The following ATP12A variants were observed in gnomAD, a reference collection of about 807,000 sequenced individuals.
ATP12A encodes potassium-transporting ATPase alpha chain 2.
A neutral mutation model predicts 111.2 loss-of-function variants in ATP12A; 81 were observed. The observed-to-expected ratio is 0.73, with a 90% CI of 0.61 to 0.88. The LOEUF (loss-of-function observed/expected upper bound fraction) is 0.88, where lower values mean the gene tolerates loss of function less well. Among genes scored for constraint, ATP12A ranks in the 40% least tolerant of loss-of-function variants. The probability of loss-of-function intolerance (pLI) is 0.00; values close to 1 mark genes in which losing one functional copy is unlikely to be tolerated. For synonymous variants in ATP12A, 498 were observed against 499.8 expected (o/e 1.00, Z 0.05); for missense variants, 1,196 against 1,313.1 (o/e 0.91, Z 1.38).
intron 2 of ATP12A, among the ~76,000 whole-genome samples, chr13:24,682,118 G>GGT (rs1285509325): frequency 3.0e-5 from 3 of 100,424 alleles, no homozygotes; most frequent in Non-Finnish European, 6.4e-5. Flanking sequence ...ATGTGTGTGT[G>GGT]GTGTGTGTGT....
At position 24,706,326 on chromosome 13, in the gene ATP12A, G is replaced by T; in HGVS notation, c.2032G>T (p.Ala678Ser). Residue 678 changes from alanine to serine, a missense_variant, in exon 15 of 23, where the codon GCT becomes TCT. Physicochemically the swap from Ala to Ser is moderately conservative, Grantham distance 99 (BLOSUM62 1). Coordinates refer to ENST00000381946, the MANE Select transcript of ATP12A (RefSeq NM_001676.7). ...TGGCCCTTCTAGGGATGCCAAGGCC[G>T]CTGTGGTGACTGGCATGGAGCTGAA... ...EQVNKRDAKA[A>S]VVTGMELKDM... 1 of 1,614,038 alleles carries T rather than the reference G, an allele frequency of 6.2e-7. No individual in the cohort carries two copies. Among genetic ancestry groups the T allele is most frequent in the Non-Finnish European group, 8.5e-7 (1 of 1,179,922 alleles).
chr13:24,710,451 C>T lies in ATP12A; in HGVS notation c.2764-9C>T. 2.5e-6 allele frequency: 4 copies of T among 1,613,890 alleles called. No individual in the cohort carries two copies. The highest frequency in any genetic ancestry group is 3.4e-6 in the Non-Finnish European group (4 of 1,179,952). On this transcript the variant is annotated splice_polypyrimidine_tract_variant and intron_variant, in intron 19 of 22. Transcript: ENST00000381946. ...CCTCAAGGTCTCTTCCTTCTCTGCC[C>T]ATTAACAGACAAGGTACCAGAGGGA...
chr13:24,698,834 G>A lies in ATP12A; in HGVS notation c.1689G>A (p.Leu563=). The A allele has an allele frequency of 6.2e-7, 1 of 1,613,958 alleles. No individual in the cohort carries two copies. The highest frequency in any genetic ancestry group is 8.5e-7 in the Non-Finnish European group (1 of 1,180,008). The change falls in exon 12 of 23, where the codon TTG becomes TTA. Residue 563 remains leucine, a synonymous_variant. Transcript: ENST00000381946. The part of the protein sequence containing the change: ...FHTAYMELGG[L]GERVLGFCHL... ...CAGCCTACATGGAGCTGGGCGGGTT[G>A]GGCGAGCGTGTGCTGGGTGAGTGCG... is the stretch of plus-strand genomic sequence containing the variant.
In ATP12A at chr13:24,690,683, C is replaced by A. The variant is rs979893893; in HGVS notation, c.761C>A (p.Thr254Lys). The A allele has an allele frequency of 6.2e-7, 1 of 1,613,966 alleles. No homozygotes were observed. Among genetic ancestry groups the A allele is most frequent in the Non-Finnish European group, 8.5e-7 (1 of 1,179,962 alleles). The change falls in exon 7 of 23, where the codon ACA becomes AAA. Residue 254 changes from threonine (T) to lysine (K), a missense_variant. Physicochemically the swap from Thr to Lys is moderately conservative, Grantham distance 78 (BLOSUM62 -1). This residue lies in a region of ATP12A where 1,126 missense variants were observed against 1,228.5 expected (regional missense o/e 0.92). Coordinates refer to ENST00000381946, the MANE Select transcript of ATP12A (RefSeq NM_001676.7). The stretch of plus-strand genomic sequence containing the variant: ...TTTACCCATGAAAACCCCCTGGAAA[C>A]AAAGAACATCTGCTTCTATTCCACA... ...SEFTHENPLE[T>K]KNICFYSTTC...
chr13:24,697,572 C>T (rs1474814973), intron 11 of ATP12A, among the ~76,000 whole-genome samples: 1 of 145,972 alleles, frequency 6.9e-6, no homozygotes, highest in Non-Finnish European at 1.5e-5. Context: ...CCTGGGAGGT[C>T]GAGGCTGCAG....
intron 8 of ATP12A, 40 bp downstream of exon 8, chr13:24,691,290 G>A (rs1874893845): frequency 6.3e-7 from 1 of 1,576,260 alleles, no homozygotes; most frequent in Non-Finnish European, 8.6e-7. Context: ...CTGGCCCTGT[G>A]GACACAGCAC....
intron 2 of ATP12A, among the ~76,000 whole-genome samples, chr13:24,683,842 T>C (rs960608530): frequency 2.6e-5 from 4 of 152,194 alleles, no homozygotes; most frequent in Non-Finnish European, 5.9e-5. Flanking sequence ...TGAAGACATA[T>C]CTGTTTTTCC....
intron 2 of ATP12A, among the ~76,000 whole-genome samples, chr13:24,682,097 ATG>A (rs1239353729): frequency 4.0e-5 from 1 of 24,740 alleles, no homozygotes. Flanking sequence ...GGTGTGTGTG[ATG>A]TGTGTGTGAT....
chr13:24,691,617 A>C lies in ATP12A; in HGVS notation c.1068+367A>C, dbSNP rs931701522. ...CTTAGGCATTTAGGCACATTGCCAC[A>C]CTCCACTTACCTCTCTTACGAAAAA... On this transcript the variant is annotated intron_variant, in intron 8 of 22. Transcript: ENST00000381946. 4.1e-5 allele frequency among the ~76,000 whole-genome samples: 6 copies of C among 147,456 alleles called. No homozygotes were observed. The East Asian group carries it at 1.0e-3, about 25-fold the overall frequency.
At position 24,690,419 on chromosome 13, in the gene ATP12A, GGA is replaced by G. The variant is rs1172251003; in HGVS notation, c.630_631del (p.Gly211ArgfsTer19). ...GGTGGGGGACATTGTGGAGGTCAAA[GGA>G]GGAGACCAGATCCCTGCAGACATCA... ...LVVGDIVEVK[G>X]GDQIPADIRV... On this transcript the variant is annotated frameshift_variant, in exon 6 of 23. Coordinates refer to ENST00000381946, the MANE Select transcript of ATP12A (RefSeq NM_001676.7). LOFTEE classifies it high-confidence loss of function. The G allele has an allele frequency of 6.2e-7, 1 of 1,613,692 alleles. No homozygotes were observed. Among genetic ancestry groups the G allele is most frequent in the Non-Finnish European group, 8.5e-7 (1 of 1,179,946 alleles).
At chr13:24,709,563 A>G in intron 18 of ATP12A, 76 bp downstream of exon 18, 3 of 1,597,088 alleles carry the variant, frequency 1.9e-6, no homozygotes, top group Non-Finnish European at 2.6e-6. Flanking sequence ...GCACAGCCAG[A>G]AAGTGTGGTT....
chr13:24,681,818 G>C (rs1020509312), intron 2 of ATP12A, 98 bp downstream of exon 2: 2 of 1,477,920 alleles, frequency 1.4e-6, no homozygotes, highest in African/African-American at 2.8e-5. Context: ...TTCAGTCTGA[G>C]GGATTTGAAA....
chr13:24,702,319 G>T (rs1380956202), intron 14 of ATP12A, among the ~76,000 whole-genome samples: 2 of 152,222 alleles, frequency 1.3e-5, no homozygotes, highest in African/African-American at 4.8e-5. Context: ...TCAAAATCCA[G>T]TGTGCCCTGG....
intron 3 of ATP12A, among the ~76,000 whole-genome samples, chr13:24,686,440 C>CAA (rs60902451): frequency 3.2e-4 from 30 of 93,818 alleles, no homozygotes; most frequent in African/African-American, 1.1e-3. Context: ...AACTCCATCT[C>CAA]AAAAAAAAAA....
chr13:24,700,603 G>A (rs933527555), intron 12 of ATP12A, 144 bp from the exon 13 acceptor site: 2 of 657,192 alleles, frequency 3.0e-6, no homozygotes, highest in African/African-American at 3.6e-5. Context: ...ATGCATTATG[G>A]AGTTGAAGAA....
intron 14 of ATP12A, among the ~76,000 whole-genome samples, chr13:24,705,948 C>T (rs113369154): frequency 0.039 from 5,935 of 152,302 alleles, 168 homozygotes; most frequent in South Asian, 0.13. Context: ...GCTGGGATTA[C>T]AGGCATGAGC....
chr13:24,683,316 T>C (rs1314922631), intron 2 of ATP12A, among the ~76,000 whole-genome samples: 1 of 152,248 alleles, frequency 6.6e-6, no homozygotes, highest in Non-Finnish European at 1.5e-5. Context: ...AGATTTTATC[T>C]TGGGAACACC....
rs1266965881 is a variant in ATP12A, at chr13:24,680,719, C to T, written c.-25C>T. On this transcript the variant is annotated 5_prime_UTR_variant, in exon 1 of 23. Transcript: ENST00000381946. ...GTCCCGGATCCGCGCTCCACGCCCG[C>T]AGCCCGCGGCGCCACCAGCCCAGCA... 1 of 1,501,562 alleles carries T rather than the reference C, an allele frequency of 6.7e-7. No individual in the cohort carries two copies. 93.0% of individuals were successfully genotyped at this position (1,501,562 alleles called of 1,614,324 possible). A position where few individuals can be genotyped will look rare whatever the true frequency, so the allele number is the denominator to read the frequency against.
rs933980357 is a variant in ATP12A, at chr13:24,690,250, C to A, written c.547-88C>A. ...GAGTGATCAGGAAGTTCCAAGGCCT[C>A]TGTCCTGGGGTTCGGTGCGGCACAG... On this transcript the variant is annotated intron_variant, in intron 5 of 22. Coordinates refer to ENST00000381946, the MANE Select transcript of ATP12A (RefSeq NM_001676.7). 5.8e-6 allele frequency: 9 copies of A among 1,552,978 alleles called. No individual in the cohort carries two copies. The African/African-American group carries it at 1.2e-4, about 21-fold the overall frequency.
Sources: allele counts gnomAD v4.1 joint callset (sites outside exome capture counted in the v4.1 genomes callset), GRCh38; gene constraint gnomAD v4.1.1; regional missense constraint gnomAD v4.1.1; transcripts MANE v1.5; gene names NCBI Gene and HGNC (gene_info 2026-07-23, HGNC 2026-07-21).